Variants in ITGA3 observed in about 807,000 individuals in gnomAD.
The protein encoded by ITGA3 is integrin subunit alpha 3.
Under a neutral mutation model 131.1 loss-of-function variants are expected in ITGA3, and 70 were observed. The ratio of observed to expected loss-of-function variants is 0.53; its 90% CI spans 0.44 to 0.65. The LOEUF is 0.65. Ranked by LOEUF, ITGA3 falls within the 30% of genes least tolerant of loss-of-function variation. The pLI, the probability that ITGA3 is intolerant of heterozygous loss-of-function variation, is 0.00. For missense variants in ITGA3, 1,098 were observed against 1,388.6 expected, an observed-to-expected ratio of 0.79 and a Z score of 3.33; for synonymous variants, 537 against 571.6, an observed-to-expected ratio of 0.94 and a Z score of 0.86.
chr17:50,056,639 G>A lies in ITGA3; in HGVS notation c.200G>A (p.Arg67His). 1 of 1,599,348 alleles carries A rather than the reference G, an allele frequency of 6.3e-7. No homozygotes were observed. Among genetic ancestry groups the A allele is most frequent in the East Asian group, 2.3e-5 (1 of 44,000 alleles). ...CATCGGCAGACAGAGCGGCAGCAGC[G>A]CTACCTGTAAGTGAAGCTGGAGGGT... Reference protein sequence around the residue: ...ALHRQTERQQRYLLLAGAPRE... With the variant: ...ALHRQTERQQHYLLLAGAPRE... The change falls in exon 1 of 26, where the codon CGC becomes CAC. Residue 67 changes from arginine to histidine, a missense_variant. Physicochemically the swap from Arg to His is conservative, Grantham distance 29. Transcript: ENST00000320031. This position sits in a 1 kb window ranked among gnomAD's most constrained non-coding sequence, Gnocchi z 5.6.
rs1359175798 is a variant in ITGA3, at chr17:50,090,214, C to T, written c.*1136C>T. The T allele has an allele frequency of 4.4e-6, 2 of 456,368 alleles. No individual in the cohort carries two copies. Among genetic ancestry groups the T allele is most frequent in the Non-Finnish European group, 8.8e-6 (2 of 226,868 alleles). 28.3% of individuals were successfully genotyped at this position (456,368 alleles called of 1,614,324 possible). On this transcript the variant is annotated 3_prime_UTR_variant, in exon 26 of 26. Transcript: ENST00000320031. Reference sequence around the variant, plus strand: ...GCCAGACCCCACGCTGACCATGCGTCAGGGGCCTAGAGGTGGAGTTCTTAG... The same window carrying T: ...GCCAGACCCCACGCTGACCATGCGTTAGGGGCCTAGAGGTGGAGTTCTTAG...
intron 23 of ITGA3, chr17:50,086,770 C>T (rs567605444): frequency 6.7e-6 from 1 of 150,368 alleles, no homozygotes; most frequent in Non-Finnish European, 1.5e-5. Flanking sequence ...ATGGGACTAT[C>T]AGCCGGGCAT....
At chr17:50,087,704 C>T (rs757338587) in intron 23 of ITGA3, 40 bp from the exon 24 acceptor site, 2 of 1,588,950 alleles carry the variant, frequency 1.3e-6, no homozygotes, top group African/African-American at 1.3e-5. Context: ...TGGGCCTAAG[C>T]AGGCTGACAC....
chr17:50,064,054 C>T lies in ITGA3; in HGVS notation c.207-23C>T, dbSNP rs1242297828. The T allele has an allele frequency of 6.2e-7, 1 of 1,611,100 alleles. No individual in the cohort carries two copies. The highest frequency in any genetic ancestry group is 8.5e-7 in the Non-Finnish European group (1 of 1,179,030). ...GGGGCTTGGGGAGTCTGAACCCGGA[C>T]CCACCTCCGTCCCTATCCCCAGGCT... On this transcript the variant is annotated intron_variant, in intron 1 of 25. Transcript: ENST00000320031. This position sits in a 1 kb window ranked among gnomAD's most constrained non-coding sequence, Gnocchi z 4.4.
At chr17:50,080,200 C>T in intron 21 of ITGA3, 62 bp from the exon 22 acceptor site, 8 of 1,024,640 alleles carry the variant, frequency 7.8e-6, no homozygotes. Context: ...AGGTAAGGAG[C>T]AAGGCATGAA....
In ITGA3 at chr17:50,076,990, G is replaced by C; in HGVS notation, c.1939G>C (p.Asp647His). The C allele has an allele frequency of 6.2e-7, 1 of 1,610,482 alleles. No homozygotes were observed. The highest frequency in any genetic ancestry group is 8.5e-7 in the Non-Finnish European group (1 of 1,177,842). ...QKLSRLQYSR[D>H]VRKLLLSINV... Reference sequence around the variant, plus strand: ...TGCTCTCAGGCTCCAGTACAGCAGAGACGTCCGGAAATTGCTCCTGAGCAT... The same window carrying C: ...TGCTCTCAGGCTCCAGTACAGCAGACACGTCCGGAAATTGCTCCTGAGCAT... Residue 647 changes from aspartate (D) to histidine (H), a missense_variant, in exon 15 of 26, where the codon GAC (aspartate) becomes CAC (histidine). By Grantham distance (81) the Asp-to-His change is moderately conservative. This residue lies in a region of ITGA3 where 699 missense variants were observed against 829.2 expected (regional missense o/e 0.84). Transcript: ENST00000320031.
intron 7 of ITGA3, 29 bp downstream of exon 7, chr17:50,072,211 C>T (rs1598187458): frequency 6.3e-7 from 1 of 1,585,752 alleles, no homozygotes; most frequent in Non-Finnish European, 8.6e-7. Context: ...CCCCCAGCAC[C>T]CCTCCTCCAG....
rs1407594371 is a variant in ITGA3 at position 50,076,600 on chromosome 17, A to G, written c.1841A>G (p.Glu614Gly). ...ACCCCCCAGGTCCAGTTCCAGAAGGAGTGCGGGCCTGACAACAAGTGTGAG... is the reference window on the plus strand; with the variant it reads ...ACCCCCCAGGTCCAGTTCCAGAAGGGGTGCGGGCCTGACAACAAGTGTGAG... ...ENHTEVQFQK[E>G]CGPDNKCESN... Residue 614 changes from glutamate (E) to glycine (G), a missense_variant, in exon 14 of 26, where the codon GAG becomes GGG. Around this residue, in one of 3 missense-constraint regions of ITGA3, gnomAD observed 699 missense variants for 829.2 expected, o/e 0.84. Transcript: ENST00000320031. 6.2e-7 allele frequency: 1 copy of G among 1,613,472 alleles called. No homozygotes were observed. Among genetic ancestry groups the G allele is most frequent in the African/African-American group, 1.3e-5 (1 of 75,024 alleles).
At chr17:50,087,716 G>A (rs746040487) in intron 23 of ITGA3, 28 bp from the exon 24 acceptor site, 7 of 1,603,340 alleles carry the variant, frequency 4.4e-6, no homozygotes, top group Middle Eastern at 1.7e-4. Context: ...GGCTGACACA[G>A]GGCTGAGTCC....
chr17:50,060,683 A>G, intron 1 of ITGA3, among the ~76,000 whole-genome samples: 1 of 151,992 alleles, frequency 6.6e-6, no homozygotes, highest in Non-Finnish European at 1.5e-5. Flanking sequence ...TGCTCCCCCC[A>G]GTCCAGCCTG....
In ITGA3 at chr17:50,075,589, C is replaced by T. The variant is rs1908845775; in HGVS notation, c.1538-10C>T. On this transcript the variant is annotated splice_polypyrimidine_tract_variant and intron_variant, in intron 11 of 25. Coordinates refer to ENST00000320031, the MANE Select transcript of ITGA3 (RefSeq NM_002204.4). Reference sequence around the variant, plus strand: ...CCTGTCCCCTTGCTGACCACCCTGTCTACCTGTAGCCCTGGCCTACACTCT... The same window carrying T: ...CCTGTCCCCTTGCTGACCACCCTGTTTACCTGTAGCCCTGGCCTACACTCT... The T allele has an allele frequency of 8.7e-6, 14 of 1,614,264 alleles. No individual in the cohort carries two copies. The highest frequency in any genetic ancestry group is 1.2e-5 in the Non-Finnish European group (14 of 1,180,052).
Position 50,089,588 on chromosome 17 carries a change from A to C in ITGA3, c.*510A>C. On this transcript the variant is annotated 3_prime_UTR_variant, in exon 26 of 26. Coordinates refer to ENST00000320031, the MANE Select transcript of ITGA3 (RefSeq NM_002204.4). ...GTGTCTCAGCCTCTGCCAGCGCCAAAACAAGCCAAAGAGCCTCCCACCAGA... is the reference window on the plus strand; with the variant it reads ...GTGTCTCAGCCTCTGCCAGCGCCAACACAAGCCAAAGAGCCTCCCACCAGA... The C allele has an allele frequency of 3.5e-6, 1 of 286,526 alleles. No individual in the cohort carries two copies. The allele number at this position is 286,526 out of a possible 1,614,324, so 17.7% of individuals were successfully genotyped here. A position where few individuals can be genotyped will look rare whatever the true frequency, so the allele number is the denominator to read the frequency against.
chr17:50,069,502 CA>C (rs1015510305), intron 4 of ITGA3, among the ~76,000 whole-genome samples: 7 of 152,062 alleles, frequency 4.6e-5, no homozygotes, highest in African/African-American at 1.7e-4. Context: ...CTTGTCTCTA[CA>C]AAAAATTTAA....
At chr17:50,060,550 G>T (rs923135156) in intron 1 of ITGA3, among the ~76,000 whole-genome samples, 3 of 152,186 alleles carry the variant, frequency 2.0e-5, no homozygotes, top group African/African-American at 7.2e-5. Context: ...AGCTCAAGGG[G>T]CTCCGCAGAG....
rs1447599431 is a variant in ITGA3 at position 50,081,354 on chromosome 17, C to G, written c.2865C>G (p.Thr955=). Residue 955 remains threonine, a synonymous_variant, in exon 23 of 26, where the codon ACC becomes ACG. Transcript: ENST00000320031. ...FDRVRVNGWA[T]LFLRTSIPTI... ...GAGTCCGGGTAAATGGCTGGGCTAC[C>G]CTATTCCTCCGAACCAGCATCCCCA... 6.3e-7 allele frequency: 1 copy of G among 1,592,770 alleles called. No homozygotes were observed. Among genetic ancestry groups the G allele is most frequent in the Non-Finnish European group, 8.6e-7 (1 of 1,168,242 alleles).
intron 21 of ITGA3, among the ~76,000 whole-genome samples, 167 bp from the exon 22 acceptor site, chr17:50,080,095 G>C (rs979467730): frequency 3.9e-5 from 6 of 152,170 alleles, no homozygotes; most frequent in African/African-American, 1.4e-4. Context: ...TGTCTGAAAT[G>C]CATAGCTGTG....
At position 50,078,144 on chromosome 17, in the gene ITGA3, C is replaced by T; in HGVS notation, c.2219+19C>T. ...TCTCCACGTGAGTGACCTCGAAAAG[C>T]CAGTCTGGGTCAGGGCTGAGGTATC... On this transcript the variant is annotated intron_variant, in intron 17 of 25. Coordinates refer to ENST00000320031, the MANE Select transcript of ITGA3 (RefSeq NM_002204.4). 6.2e-7 allele frequency: 1 copy of T among 1,613,204 alleles called. No individual in the cohort carries two copies. Among genetic ancestry groups the T allele is most frequent in the Admixed American group, 1.7e-5 (1 of 59,984 alleles).
chr17:50,063,293 A>C (rs937391828), intron 1 of ITGA3, among the ~76,000 whole-genome samples: 1 of 152,148 alleles, frequency 6.6e-6, no homozygotes, highest in African/African-American at 2.4e-5. Context: ...CACATTGTCC[A>C]AAGTGTCAGG....
chr17:50,071,034 T>A, intron 5 of ITGA3, 104 bp downstream of exon 5: 1 of 831,076 alleles, frequency 1.2e-6, no homozygotes, highest in Non-Finnish European at 2.1e-6. Flanking sequence ...GGCATTTAGT[T>A]AAACTAGCAC....
Sources: allele counts gnomAD v4.1 joint callset (sites outside exome capture counted in the v4.1 genomes callset), GRCh38; gene constraint gnomAD v4.1.1; regional missense constraint gnomAD v4.1.1; non-coding constraint Gnocchi (gnomAD v3.1); transcripts MANE v1.5; gene names NCBI Gene and HGNC (gene_info 2026-07-23, HGNC 2026-07-21).